Variants in SACS observed in about 807,000 individuals in gnomAD.
SACS encodes the protein sacsin molecular chaperone.
SACS carries 197 observed loss-of-function variants against 348.0 expected under a neutral mutation model. That is an observed-to-expected ratio of 0.57 (90% CI 0.50 to 0.64). The LOEUF is 0.64. Ranked by LOEUF, SACS falls within the 30% of genes least tolerant of loss-of-function variation. The pLI is 0.00. For missense variants in SACS, 4,999 were observed against 5,360.8 expected (o/e 0.93, Z 2.11); for synonymous variants, 1,985 against 1,910.6 (o/e 1.04, Z -1.02).
chr13:23,421,756 G>A (rs1001709841), intron 1 of SACS, among the ~76,000 whole-genome samples: 4 of 151,780 alleles, frequency 2.6e-5, no homozygotes, highest in Admixed American at 1.3e-4. Flanking sequence ...ATGTTGCCCT[G>A]GGGTCAGGGT....
In SACS at chr13:23,330,441, G is replaced by T. The variant is rs776751304; in HGVS notation, c.13435C>A (p.Leu4479Ile). The T allele has an allele frequency of 1.9e-6, 3 of 1,614,140 alleles. No homozygotes were observed. The highest frequency in any genetic ancestry group is 2.5e-6 in the Non-Finnish European group (3 of 1,180,004). Residue 4479 changes from leucine to isoleucine, a missense_variant, in exon 10 of 10, where the codon CTT becomes ATT. Transcript: ENST00000382292. ...ANEWVCFKCY[L>I]STKLALIAAD... ...GCAATCAAAGCTAACTTGGTAGAAA[G>T]GTAACATTTAAAGCACACCCACTCA...
At chr13:23,389,746 TG>T (rs1479736136) in intron 2 of SACS, among the ~76,000 whole-genome samples, 3 of 152,238 alleles carry the variant, frequency 2.0e-5, no homozygotes, top group African/African-American at 7.2e-5. Context: ...CAAATTACAA[TG>T]TCTAAAATCT....
At chr13:23,392,221 T>A (rs961109153) in intron 2 of SACS, among the ~76,000 whole-genome samples, 4 of 152,204 alleles carry the variant, frequency 2.6e-5, no homozygotes, top group African/African-American at 9.6e-5. Flanking sequence ...CTTTCCATCT[T>A]GCATTTCCTA....
intron 9 of SACS, among the ~76,000 whole-genome samples, chr13:23,345,636 T>C (rs1373547635): frequency 3.3e-5 from 5 of 152,184 alleles, no homozygotes; most frequent in South Asian, 2.1e-4. Flanking sequence ...GTAAGATACA[T>C]TGACAAAGCT....
chr13:23,428,092 A>C (rs1874266924), intron 1 of SACS: 1 of 152,202 alleles, frequency 6.6e-6, no homozygotes, highest in African/African-American at 2.4e-5. Context: ...TTGAGAAAGG[A>C]ATAGAGGCAG....
intron 2 of SACS, among the ~76,000 whole-genome samples, chr13:23,379,518 C>G (rs1457999379): frequency 6.6e-6 from 1 of 152,182 alleles, no homozygotes; most frequent in African/African-American, 2.4e-5. Context: ...ATACAGGGAG[C>G]AGGCAAAGGG....
chr13:23,433,347 A>G (rs1049807541), intron 1 of SACS, among the ~76,000 whole-genome samples: 4 of 152,108 alleles, frequency 2.6e-5, no homozygotes, highest in African/African-American at 9.7e-5. Flanking sequence ...ACAAATTCAC[A>G]AGCAGCCAAC....
At chr13:23,418,281 A>G (rs1873768318) in intron 1 of SACS, among the ~76,000 whole-genome samples, 1 of 152,172 alleles carries the variant, frequency 6.6e-6, no homozygotes, top group Non-Finnish European at 1.5e-5. Context: ...CATATGGATA[A>G]TACCTTCATT....
In SACS at chr13:23,338,427, T is replaced by G; in HGVS notation, c.5449A>C (p.Thr1817Pro). Residue 1817 changes from threonine (T) to proline (P), a missense_variant, in exon 10 of 10, where the codon ACG becomes CCG. Transcript: ENST00000382292. ...TCCATGCAAGTACACAGAAGCCACG[T>G]GGTACACTCTACTGTTTTCTGTGAC... is the stretch of plus-strand genomic sequence containing the variant. ...ELSQKTVECT[T>P]WLLCTCMDTG... The G allele has an allele frequency of 6.2e-7, 1 of 1,614,134 alleles. No individual in the cohort carries two copies. Among genetic ancestry groups the G allele is most frequent in the Non-Finnish European group, 8.5e-7 (1 of 1,180,006 alleles).
intron 2 of SACS, among the ~76,000 whole-genome samples, chr13:23,408,993 G>A (rs68043459): frequency 0.33 from 39,429 of 121,292 alleles, 6,408 homozygotes; most frequent in East Asian, 0.51. Context: ...TTTTTCCCCA[G>A]AATAATGAGA....
At chr13:23,351,816 A>G (rs1869977104) in intron 9 of SACS, among the ~76,000 whole-genome samples, 1 of 152,228 alleles carries the variant, frequency 6.6e-6, no homozygotes, top group Non-Finnish European at 1.5e-5. Context: ...CAGAAACACT[A>G]GATGAACATC....
At chr13:23,431,361 C>G (rs1357658727) in intron 1 of SACS, among the ~76,000 whole-genome samples, 6 of 152,228 alleles carry the variant, frequency 3.9e-5, no homozygotes, top group Non-Finnish European at 8.8e-5. Context: ...CGCTATGTTC[C>G]CCCTTAGGTA....
chr13:23,395,901 C>T (rs1022548901), intron 2 of SACS, among the ~76,000 whole-genome samples: 3 of 152,136 alleles, frequency 2.0e-5, no homozygotes, highest in Non-Finnish European at 4.4e-5. Flanking sequence ...CTGTATGTAA[C>T]TTTATATACG....
Position 23,335,692 on chromosome 13 carries a change from G to T in SACS, c.8184C>A (p.Asp2728Glu). ...ASDRMVQNLLDKLRSDGAELL... is the reference protein window; with the variant it reads ...ASDRMVQNLLEKLRSDGAELL... ...GTTCTGCCCCATCTGAGCGCAGTTT[G>T]TCCAAAAGATTCTGGACCATTCTGT... The change falls in exon 10 of 10, where the codon GAC (aspartate) becomes GAA (glutamate). Residue 2728 changes from aspartate to glutamate, a missense_variant. Transcript: ENST00000382292. This position sits in a 1 kb window ranked among gnomAD's most constrained non-coding sequence, Gnocchi z 4.7. 6.2e-7 allele frequency: 1 copy of T among 1,614,004 alleles called. No individual in the cohort carries two copies. The highest frequency in any genetic ancestry group is 8.5e-7 in the Non-Finnish European group (1 of 1,179,890).
chr13:23,404,457 G>A (rs990047165), intron 2 of SACS, among the ~76,000 whole-genome samples: 2 of 152,132 alleles, frequency 1.3e-5, no homozygotes, highest in Non-Finnish European at 2.9e-5. Flanking sequence ...CACACCCACA[G>A]CCAATATCAT....
chr13:23,400,800 G>C (rs1045490989), intron 2 of SACS, among the ~76,000 whole-genome samples: 7 of 152,114 alleles, frequency 4.6e-5, no homozygotes, highest in Non-Finnish European at 1.0e-4. Context: ...CAAACCTCTT[G>C]ATATTTTTGA....
In SACS at chr13:23,341,095, G is replaced by T; in HGVS notation, c.2781C>A (p.Phe927Leu). ...EKRIIQELAI[F>L]KRINHSSDQG... Reference sequence around the variant, plus strand: ...GATCAGAAGAATGGTTAATGCGCTTGAATATTGCCAATTCTTGAATAATTC... The same window carrying T: ...GATCAGAAGAATGGTTAATGCGCTTTAATATTGCCAATTCTTGAATAATTC... The change falls in exon 10 of 10, where the codon TTC becomes TTA. Residue 927 changes from phenylalanine to leucine, a missense_variant. Transcript: ENST00000382292. The T allele has an allele frequency of 6.2e-7, 1 of 1,613,874 alleles. No individual in the cohort carries two copies. Among genetic ancestry groups the T allele is most frequent in the Non-Finnish European group, 8.5e-7 (1 of 1,180,006 alleles).
At chr13:23,342,688 C>T (rs968563292) in intron 9 of SACS, among the ~76,000 whole-genome samples, 2 of 152,178 alleles carry the variant, frequency 1.3e-5, no homozygotes, top group Non-Finnish European at 2.9e-5. Context: ...TTTGTGTTAA[C>T]TTCAAGTTTC....
chr13:23,390,299 T>C lies in SACS; in HGVS notation c.21-15030A>G, dbSNP rs567893817. Among the ~76,000 whole-genome samples the C allele has an allele frequency of 5.9e-5, 9 of 152,254 alleles. No individual in the cohort carries two copies. In the East Asian group the frequency reaches 9.6e-4, roughly 16 times the overall value. On this transcript the variant is annotated intron_variant, in intron 2 of 9. Coordinates refer to ENST00000382292, the MANE Select transcript of SACS (RefSeq NM_014363.6). ...TGATTAATTAAAAAAAAATCTTCAG[T>C]CTGTTTGACTCCAAGTTACCATTTC...
Sources: allele counts gnomAD v4.1 joint callset (sites outside exome capture counted in the v4.1 genomes callset), GRCh38; gene constraint gnomAD v4.1.1; non-coding constraint Gnocchi (gnomAD v3.1); transcripts MANE v1.5; gene names NCBI Gene and HGNC (gene_info 2026-07-23, HGNC 2026-07-21).